FERMT2: variants seen among roughly 807,000 people sequenced by gnomAD.
FERMT2 encodes the protein fermitin family homolog 2.
Under a neutral mutation model 82.7 loss-of-function variants are expected in FERMT2, and 15 were observed. The observed-to-expected ratio is 0.18, with a 90% CI of 0.12 to 0.28. The LOEUF (loss-of-function observed/expected upper bound fraction) is 0.28, where lower values mean the gene tolerates loss of function less well. Among genes scored for constraint, FERMT2 ranks in the 10% least tolerant of loss-of-function variants. The pLI is 1.00. For missense variants in FERMT2, 645 were observed against 809.4 expected (o/e 0.80, Z 2.46); for synonymous variants, 274 against 271.5 (o/e 1.01, Z -0.09).
rs767243180 is a variant in FERMT2, at chr14:52,919,223, T to C, written c.291A>G (p.Lys97=). ...TGTTGGGAAGCTGCAGGCGGAGCAG[T>C]TTGTGCTGAGGGGTGAACTGAAGCT... ...DAKLQFTPQH[K]LLRLQLPNMK... is the part of the protein sequence containing the mutation. Residue 97 remains lysine, a synonymous_variant, in exon 3 of 15, where the codon AAA becomes AAG. Coordinates refer to ENST00000341590, the MANE Select transcript of FERMT2 (RefSeq NM_006832.3). The C allele has an allele frequency of 5.6e-6, 9 of 1,614,110 alleles. No individual in the cohort carries two copies. The South Asian group carries it at 7.7e-5, about 14-fold the overall frequency.
chr14:52,943,470 C>T (rs1039371687), intron 2 of FERMT2, among the ~76,000 whole-genome samples: 5 of 151,664 alleles, frequency 3.3e-5, no homozygotes, highest in African/African-American at 9.7e-5. Context: ...CAACTAAATG[C>T]GAAATGAGAT....
At chr14:52,944,241 A>C (rs1198651004) in intron 2 of FERMT2, among the ~76,000 whole-genome samples, 2 of 152,216 alleles carry the variant, frequency 1.3e-5, no homozygotes, top group Admixed American at 6.5e-5. Context: ...AACTTAATTC[A>C]CTTTAATAAG....
intron 2 of FERMT2, among the ~76,000 whole-genome samples, chr14:52,944,797 A>T (rs1456033846): frequency 6.6e-6 from 1 of 152,250 alleles, no homozygotes; most frequent in Non-Finnish European, 1.5e-5. Context: ...CAACTCCAAC[A>T]TAAATGAACT....
At position 52,950,536 on chromosome 14, in the gene FERMT2, G is replaced by C; in HGVS notation, c.33C>G (p.Gly11=). MALDGIRMPD[G]CYADGTWELS... is the part of the protein sequence containing the mutation. ...GTTCCCACGTCCCGTCCGCGTAGCA[G>C]CCATCTGGCATCCTTATCCCGTCCA... Residue 11 remains glycine (G), a synonymous_variant, in exon 2 of 15, where the codon GGC becomes GGG. Transcript: ENST00000341590. The C allele has an allele frequency of 6.2e-7, 1 of 1,614,164 alleles. No individual in the cohort carries two copies. Among genetic ancestry groups the C allele is most frequent in the Middle Eastern group, 1.6e-4 (1 of 6,062 alleles).
intron 3 of FERMT2, among the ~76,000 whole-genome samples, chr14:52,902,724 C>T (rs1887723161): frequency 6.6e-6 from 1 of 150,790 alleles, no homozygotes; most frequent in South Asian, 2.1e-4. Context: ...TAAAAATGAG[C>T]CAGGCATGGT....
At chr14:52,903,623 T>A (rs1161636890) in intron 3 of FERMT2, among the ~76,000 whole-genome samples, 1 of 151,490 alleles carries the variant, frequency 6.6e-6, no homozygotes, top group Non-Finnish European at 1.5e-5. Flanking sequence ...CAAAAGATAA[T>A]TTAACAATGA....
chr14:52,896,443 T>C (rs540763463), intron 3 of FERMT2, among the ~76,000 whole-genome samples: 2 of 152,270 alleles, frequency 1.3e-5, no homozygotes, highest in South Asian at 2.1e-4. Context: ...ACTAGGATCC[T>C]ACCATGCTGC....
At chr14:52,872,954 C>A in intron 9 of FERMT2, 31 bp from the exon 10 acceptor site, 1 of 1,604,532 alleles carries the variant, frequency 6.2e-7, no homozygotes, top group South Asian at 1.1e-5. Flanking sequence ...ACAACAAAAT[C>A]ACTTGGAAGT....
intron 3 of FERMT2, among the ~76,000 whole-genome samples, chr14:52,896,360 G>A (rs559247429): frequency 1.3e-3 from 192 of 152,252 alleles, no homozygotes; most frequent in Non-Finnish European, 2.3e-3. Flanking sequence ...ACAGCTTTAG[G>A]AGCCCATGAC....
chr14:52,911,655 T>TAAA (rs1284789789), intron 3 of FERMT2, among the ~76,000 whole-genome samples: 1 of 115,502 alleles, frequency 8.7e-6, no homozygotes. Context: ...CATCTCAAAA[T>TAAA]AAAAAAAAAA....
intron 3 of FERMT2, among the ~76,000 whole-genome samples, chr14:52,897,000 ACACACACAC>A (rs906679955): frequency 0.027 from 9 of 336 alleles, no homozygotes; most frequent in Admixed American, 0.14. Context: ...AACAAATAAA[ACACACACAC>A]ACACACACAC....
intron 2 of FERMT2, among the ~76,000 whole-genome samples, chr14:52,933,343 A>ATTTT (rs1348371272): frequency 6.6e-6 from 1 of 151,938 alleles, no homozygotes; most frequent in African/African-American, 2.4e-5. Flanking sequence ...CTATAACACC[A>ATTTT]TTTTTTACAA....
chr14:52,870,296 C>G (rs1006787648), intron 10 of FERMT2, among the ~76,000 whole-genome samples: 1 of 150,320 alleles, frequency 6.7e-6, no homozygotes, highest in Non-Finnish European at 1.5e-5. Context: ...GTTGCCCAAG[C>G]TGGAGTGCAA....
intron 2 of FERMT2, among the ~76,000 whole-genome samples, chr14:52,935,328 G>A (rs1889786167): frequency 6.6e-6 from 1 of 152,126 alleles, no homozygotes; most frequent in Non-Finnish European, 1.5e-5. Context: ...GGCTCCAATG[G>A]CTAACTGAGG....
At chr14:52,858,583 C>G (rs374847495) in intron 14 of FERMT2, 33 bp from the exon 15 acceptor site, 13 of 1,604,838 alleles carry the variant, frequency 8.1e-6, no homozygotes, top group Admixed American at 1.7e-5. Flanking sequence ...CAGTGCTGTC[C>G]CAAATGCTAG....
chr14:52,864,292 G>T, intron 12 of FERMT2, 109 bp downstream of exon 12: 1 of 704,830 alleles, frequency 1.4e-6, no homozygotes, highest in Non-Finnish European at 2.4e-6. Flanking sequence ...CTAACCATCT[G>T]ATACAAAATT....
chr14:52,864,372 C>T, intron 12 of FERMT2, 29 bp downstream of exon 12: 8 of 1,521,304 alleles, frequency 5.3e-6, no homozygotes, highest in Non-Finnish European at 7.3e-6. Context: ...CAAACCAGCA[C>T]AGTAGATGAA....
At chr14:52,869,692 ATTC>A (rs1316367510) in intron 10 of FERMT2, among the ~76,000 whole-genome samples, 4 of 152,232 alleles carry the variant, frequency 2.6e-5, no homozygotes, top group Non-Finnish European at 5.9e-5. Flanking sequence ...TTACTATACT[ATTC>A]TTTTCATCAT....
chr14:52,861,993 T>G (rs541588417), intron 12 of FERMT2: 1 of 152,274 alleles, frequency 6.6e-6, no homozygotes, highest in South Asian at 2.1e-4. Flanking sequence ...TGACACACAG[T>G]AGCAACTAAA....
Sources: gnomAD v4.1 joint callset for allele counts (sites outside exome capture counted in the v4.1 genomes callset) on GRCh38, gnomAD v4.1.1 for gene constraint, MANE v1.5 for transcripts, NCBI Gene and HGNC (gene_info 2026-07-23, HGNC 2026-07-21) for gene names.